Variants in CILK1 observed in about 807,000 individuals in gnomAD.
CILK1 encodes ciliogenesis associated kinase 1.
Under a neutral mutation model 79.2 loss-of-function variants are expected in CILK1, and 47 were observed. The ratio of observed to expected loss-of-function variants is 0.59; its 90% CI spans 0.47 to 0.76. The LOEUF is 0.76. Ranked by LOEUF, CILK1 falls within the 30% of genes least tolerant of loss-of-function variation. The pLI is 0.00. For synonymous variants in CILK1, 266 were observed against 275.9 expected (o/e 0.96, Z 0.36); for missense variants, 660 against 769.5 (o/e 0.86, Z 1.68).
intron 3 of CILK1, among the ~76,000 whole-genome samples, chr6:53,036,887 C>G (rs539239422): frequency 6.6e-6 from 1 of 152,110 alleles, no homozygotes; most frequent in South Asian, 2.1e-4. Context: ...ATTATTATTA[C>G]ATTTTATATT....
Position 53,005,085 on chromosome 6 carries a change from C to T in CILK1, c.*64G>A. The T allele has an allele frequency of 4.4e-6, 7 of 1,584,470 alleles. No homozygotes were observed. Among genetic ancestry groups the T allele is most frequent in the Non-Finnish European group, 6.1e-6 (7 of 1,155,510 alleles). ...CTCTGCACATCTTGCAGGTAGAACA[C>T]CAGTCAGCTGAGGGAAAGTATCCTG... On this transcript the variant is annotated 3_prime_UTR_variant, in exon 14 of 14. Coordinates refer to ENST00000676107, the MANE Select transcript of CILK1 (RefSeq NM_014920.5).
chr6:53,019,105 T>C (rs1465706790), intron 6 of CILK1, 122 bp downstream of exon 6: 4 of 904,192 alleles, frequency 4.4e-6, no homozygotes, highest in Non-Finnish European at 5.2e-6. Context: ...TAAATATATG[T>C]TTCAGACTGC....
intron 5 of CILK1, among the ~76,000 whole-genome samples, chr6:53,023,849 TAGG>T (rs1765403181): frequency 6.6e-6 from 1 of 152,180 alleles, no homozygotes; most frequent in Admixed American, 6.5e-5. Context: ...GGCGGATCTG[TAGG>T]AGAAGTAGCT....
chr6:53,005,021 C>A lies in CILK1; in HGVS notation c.*128G>T. 1.9e-6 allele frequency: 2 copies of A among 1,080,510 alleles called. No individual in the cohort carries two copies. Among genetic ancestry groups the A allele is most frequent in the Non-Finnish European group, 2.8e-6 (2 of 713,516 alleles). 66.9% of individuals were successfully genotyped at this position (1,080,510 alleles called of 1,614,324 possible). ...AAAAGAATATTGACATGTCTTAGTT[C>A]AGAAGAATAACTATAAAGTGTTGAT... On this transcript the variant is annotated 3_prime_UTR_variant, in exon 14 of 14. Transcript: ENST00000676107.
At chr6:53,041,081 G>A (rs890557644) in intron 2 of CILK1, 55 bp downstream of exon 2, 18 of 1,157,734 alleles carry the variant, frequency 1.6e-5, no homozygotes, top group South Asian at 9.8e-5. Context: ...TTACAAAGAC[G>A]GGTAATGGTG....
chr6:53,009,039 G>T (rs563555711), intron 12 of CILK1, among the ~76,000 whole-genome samples: 2 of 152,264 alleles, frequency 1.3e-5, no homozygotes, highest in South Asian at 4.1e-4. Context: ...TGATACTCTG[G>T]GCCTGCAGCT....
intron 5 of CILK1, among the ~76,000 whole-genome samples, chr6:53,030,661 T>A (rs1229782792): frequency 6.6e-6 from 1 of 152,242 alleles, no homozygotes; most frequent in Non-Finnish European, 1.5e-5. Flanking sequence ...AGACTACTTT[T>A]AAACTCGCTT....
chr6:53,031,045 C>T lies in CILK1; in HGVS notation c.358+20G>A, dbSNP rs1488712926. 1.2e-5 allele frequency: 18 copies of T among 1,526,394 alleles called. No individual in the cohort carries two copies. Among genetic ancestry groups the T allele is most frequent in the Middle Eastern group, 3.4e-4 (2 of 5,910 alleles). The allele number at this position is 1,526,394 out of a possible 1,614,324, so 94.6% of individuals were successfully genotyped here. A position where few individuals can be genotyped will look rare whatever the true frequency, so the allele number is the denominator to read the frequency against. On this transcript the variant is annotated intron_variant, in intron 5 of 13. Transcript: ENST00000676107. ...AACATTTCACTGCTCTTCAAAAGCA[C>T]AACACTCCGAATCACCTACCGTGTT...
At position 53,018,419 on chromosome 6, in the gene CILK1, C is replaced by T. The variant is rs749592069; in HGVS notation, c.574G>A (p.Glu192Lys). ...AAGAGTGGCCTGAGGGTGTAAACTTCTGCCATGATGCAGCCCACCGCCCAG... is the reference window on the plus strand; with the variant it reads ...AAGAGTGGCCTGAGGGTGTAAACTTTTGCCATGATGCAGCCCACCGCCCAG... ...DVWAVGCIMA[E>K]VYTLRPLFPG... Residue 192 changes from glutamate to lysine, a missense_variant, in exon 7 of 14, where the codon GAA becomes AAA. Coordinates refer to ENST00000676107, the MANE Select transcript of CILK1 (RefSeq NM_014920.5). 1 of 1,614,124 alleles carries T rather than the reference C, an allele frequency of 6.2e-7. No homozygotes were observed. The highest frequency in any genetic ancestry group is 2.2e-5 in the East Asian group (1 of 44,884).
chr6:53,035,445 CA>C (rs1766267235), intron 3 of CILK1, among the ~76,000 whole-genome samples: 1 of 152,042 alleles, frequency 6.6e-6, no homozygotes, highest in Admixed American at 6.5e-5. Flanking sequence ...AGAATATAGG[CA>C]GCCTATGGTT....
chr6:53,059,610 A>G (rs756225158), intron 1 of CILK1, among the ~76,000 whole-genome samples: 1 of 152,236 alleles, frequency 6.6e-6, no homozygotes, highest in Non-Finnish European at 1.5e-5. Flanking sequence ...GAAGCCTGGC[A>G]CCATTAGCAG....
At chr6:53,027,270 A>G (rs929413275) in intron 5 of CILK1, among the ~76,000 whole-genome samples, 4 of 152,226 alleles carry the variant, frequency 2.6e-5, no homozygotes, top group African/African-American at 4.8e-5. Context: ...AGACTGCCCA[A>G]TGCATTTCTA....
chr6:53,042,560 G>A (rs396026), intron 1 of CILK1, among the ~76,000 whole-genome samples: 2,536 of 152,258 alleles, frequency 0.017, 75 homozygotes, highest in African/African-American at 0.058. Context: ...AGGAATTCAA[G>A]GCCTATGTGC....
In CILK1 at chr6:53,045,418, C is replaced by G. The variant is rs138933463; in HGVS notation, c.-172-4010G>C. 1.9e-4 allele frequency among the ~76,000 whole-genome samples: 29 copies of G among 152,294 alleles called. No homozygotes were observed. The East Asian group carries it at 3.9e-3, about 20-fold the overall frequency. ...TTGACTTTGTACAATGGCGCCAAAG[C>G]TACATGCATTTAGTAGAAATCGTAT... On this transcript the variant is annotated intron_variant, in intron 1 of 13. Coordinates refer to ENST00000676107, the MANE Select transcript of CILK1 (RefSeq NM_014920.5).
chr6:53,042,186 C>T (rs537743047), intron 1 of CILK1, among the ~76,000 whole-genome samples: 2 of 152,116 alleles, frequency 1.3e-5, no homozygotes, highest in Non-Finnish European at 2.9e-5. Flanking sequence ...GTTCACTAAC[C>T]CTTGGTCTAA....
At chr6:53,044,682 C>T (rs2127456930) in intron 1 of CILK1, among the ~76,000 whole-genome samples, 1 of 152,270 alleles carries the variant, frequency 6.6e-6, no homozygotes, top group East Asian at 1.9e-4. Context: ...AAAGCCCTAA[C>T]CTCCAATGAG....
intron 1 of CILK1, among the ~76,000 whole-genome samples, chr6:53,043,769 G>A (rs374144047): frequency 1.3e-5 from 2 of 151,726 alleles, no homozygotes; most frequent in Non-Finnish European, 2.9e-5. Context: ...TGGATGGGAG[G>A]GGGGAAGCAG....
At position 53,013,139 on chromosome 6, in the gene CILK1, T is replaced by C. The variant is rs560684420; in HGVS notation, c.1152+523A>G. 2.0e-5 allele frequency among the ~76,000 whole-genome samples: 3 copies of C among 152,370 alleles called. No individual in the cohort carries two copies. The East Asian group carries it at 5.8e-4, about 29-fold the overall frequency. On this transcript the variant is annotated intron_variant, in intron 9 of 13. Coordinates refer to ENST00000676107, the MANE Select transcript of CILK1 (RefSeq NM_014920.5). ...CCTGTCTGGTAGGTAAGACATGCAC[T>C]ATAATCTTCCTTTGATAAATGAGGA...
At chr6:53,048,504 T>C (rs1767258512) in intron 1 of CILK1, among the ~76,000 whole-genome samples, 1 of 152,242 alleles carries the variant, frequency 6.6e-6, no homozygotes, top group Non-Finnish European at 1.5e-5. Context: ...TCTGAGCATA[T>C]CCTAGCAGGA....
Sources: gnomAD v4.1 joint callset for allele counts (sites outside exome capture counted in the v4.1 genomes callset) on GRCh38, gnomAD v4.1.1 for gene constraint, MANE v1.5 for transcripts, NCBI Gene and HGNC (gene_info 2026-07-23, HGNC 2026-07-21) for gene names.